DLGAP3: variants seen among roughly 807,000 people sequenced by gnomAD.
The protein encoded by DLGAP3 is disks large-associated protein 3.
A neutral mutation model predicts 81.2 loss-of-function variants in DLGAP3; 17 were observed. The observed-to-expected ratio is 0.21, with a 90% confidence interval of 0.14 to 0.31. DLGAP3 has a LOEUF of 0.31. Ranked by LOEUF, DLGAP3 falls within the 10% of genes least tolerant of loss-of-function variation. DLGAP3 has a pLI of 1.00. For synonymous variants in DLGAP3, 577 were observed against 587.4 expected (o/e 0.98, Z 0.26); for missense variants, 1,124 against 1,388.0 (o/e 0.81, Z 3.02).
chr1:34,902,455 C>T lies in DLGAP3; in HGVS notation c.1107+1822G>A, dbSNP rs1164910362. On this transcript the variant is annotated intron_variant, in intron 3 of 11. Transcript: ENST00000373347. The surrounding 1 kb of genome is among the most constrained non-coding windows in gnomAD (Gnocchi z 4.4). ...GAAAAGGCTTAAGAGAAAGCTGGTA[C>T]CCAGTGGGAGAAACAGGGCTTTGAC... Among the ~76,000 whole-genome samples the T allele has an allele frequency of 6.6e-6, 1 of 152,102 alleles. No individual in the cohort carries two copies. Among genetic ancestry groups the T allele is most frequent in the East Asian group, 1.9e-4 (1 of 5,162 alleles).
At position 34,905,801 on chromosome 1, in the gene DLGAP3, C is replaced by G. The variant is rs116044062; in HGVS notation, c.-51-367G>C. Among the ~76,000 whole-genome samples the G allele has an allele frequency of 8.7e-3, 1,318 of 151,748 alleles. 16 individuals carry two copies. The highest frequency in any genetic ancestry group is 0.03 in the African/African-American group (1,233 of 41,378). On this transcript the variant is annotated intron_variant, in intron 2 of 11. Coordinates refer to ENST00000373347, the MANE Select transcript of DLGAP3 (RefSeq NM_001080418.3). ...GGAGGATCACTTGAGCCCAGCAGTTCGAGATCAACCTGGGCAACCAAGCAA... is the reference window on the plus strand; with the variant it reads ...GGAGGATCACTTGAGCCCAGCAGTTGGAGATCAACCTGGGCAACCAAGCAA...
chr1:34,900,517 C>T lies in DLGAP3; in HGVS notation c.1108-244G>A, dbSNP rs1639441768. 2.0e-5 allele frequency among the ~76,000 whole-genome samples: 3 copies of T among 152,240 alleles called. No homozygotes were observed. The South Asian group carries it at 6.2e-4, about 31-fold the overall frequency. On this transcript the variant is annotated intron_variant, in intron 3 of 11. Coordinates refer to ENST00000373347, the MANE Select transcript of DLGAP3 (RefSeq NM_001080418.3). This position sits in a 1 kb window ranked among gnomAD's most constrained non-coding sequence, Gnocchi z 5.6. ...CCACCTAGAGAGTCTGAGGGAGTGA[C>T]ATGGCAGGCGTCAAGCGGTTGATGA... is the stretch of plus-strand genomic sequence containing the variant.
At chr1:34,928,243 G>T (rs1182173898) in intron 1 of DLGAP3, among the ~76,000 whole-genome samples, 10 of 152,160 alleles carry the variant, frequency 6.6e-5, no homozygotes, top group Non-Finnish European at 1.5e-4. Context: ...GGACTTGGAA[G>T]TCTGGGAGAG....
intron 1 of DLGAP3, among the ~76,000 whole-genome samples, chr1:34,908,783 C>A (rs765013722): frequency 9.2e-5 from 14 of 152,156 alleles, no homozygotes; most frequent in Non-Finnish European, 1.8e-4. Flanking sequence ...CACCCTGGAG[C>A]CTGGACTGTA....
Position 34,900,054 on chromosome 1 carries a change from C to T in DLGAP3, c.1313+14G>A. On this transcript the variant is annotated intron_variant, in intron 4 of 11. Coordinates refer to ENST00000373347, the MANE Select transcript of DLGAP3 (RefSeq NM_001080418.3). The surrounding 1 kb of genome is among the most constrained non-coding windows in gnomAD (Gnocchi z 5.6). Reference sequence around the variant, plus strand: ...CCTCCTGACCCCGCACCCCCCGGCCCTCCCTGTCCTTACTTGATCCTGGCC... The same window carrying T: ...CCTCCTGACCCCGCACCCCCCGGCCTTCCCTGTCCTTACTTGATCCTGGCC... The T allele has an allele frequency of 6.2e-7, 1 of 1,610,922 alleles. No individual in the cohort carries two copies. The highest frequency in any genetic ancestry group is 8.5e-7 in the Non-Finnish European group (1 of 1,179,170).
chr1:34,867,505 T>C lies in DLGAP3; in HGVS notation c.2577+31A>G. The C allele has an allele frequency of 6.4e-7, 1 of 1,573,798 alleles. No homozygotes were observed. Among genetic ancestry groups the C allele is most frequent in the Non-Finnish European group, 8.7e-7 (1 of 1,143,068 alleles). On this transcript the variant is annotated intron_variant, in intron 10 of 11. Transcript: ENST00000373347. This position sits in a 1 kb window ranked among gnomAD's most constrained non-coding sequence, Gnocchi z 4.3. ...ACACACACACTCTGGGTCACATGTA[T>C]CTGGTAGGATCTACTACTATGGGCA...
chr1:34,912,088 T>C (rs551285456), intron 1 of DLGAP3, among the ~76,000 whole-genome samples: 1 of 152,324 alleles, frequency 6.6e-6, no homozygotes, highest in Admixed American at 6.5e-5. Context: ...AAAATGGGGA[T>C]AATATTAGGG....
At chr1:34,887,202 G>A (rs1345372064) in intron 5 of DLGAP3, among the ~76,000 whole-genome samples, 4 of 151,786 alleles carry the variant, frequency 2.6e-5, no homozygotes, top group Admixed American at 6.6e-5. Flanking sequence ...TAATCTGCCC[G>A]TCTCGGCCTC....
chr1:34,899,859 TC>T (rs1454822308), intron 4 of DLGAP3, 118 bp from the exon 5 acceptor site: 12 of 1,049,994 alleles, frequency 1.1e-5, no homozygotes, highest in Non-Finnish European at 1.8e-5. Flanking sequence ...CAAAGAGAGA[TC>T]CCTTAGGAGA....
intron 5 of DLGAP3, among the ~76,000 whole-genome samples, chr1:34,894,953 G>T (rs1232437737): frequency 6.6e-6 from 1 of 152,222 alleles, no homozygotes; most frequent in Non-Finnish European, 1.5e-5. Context: ...TTAAGTATTT[G>T]AGGTGATGGG....
At chr1:34,892,910 C>T (rs971213144) in intron 5 of DLGAP3, among the ~76,000 whole-genome samples, 2 of 152,256 alleles carry the variant, frequency 1.3e-5, no homozygotes, top group Non-Finnish European at 1.5e-5. Context: ...CGGTGGCTCA[C>T]GCCTGTAATC....
intron 8 of DLGAP3, among the ~76,000 whole-genome samples, chr1:34,878,271 A>C (rs1487656295): frequency 1.3e-5 from 2 of 152,154 alleles, no homozygotes; most frequent in African/African-American, 4.8e-5. Flanking sequence ...ACGCCAATGC[A>C]CTCCAGCCTG....
At chr1:34,875,798 C>G (rs866543071) in intron 8 of DLGAP3, among the ~76,000 whole-genome samples, 4 of 152,358 alleles carry the variant, frequency 2.6e-5, no homozygotes, top group Middle Eastern at 3.4e-3. Context: ...CACCACAAGG[C>G]CTTAGCATAT....
chr1:34,927,573 C>T lies in DLGAP3; in HGVS notation c.-135+1878G>A, dbSNP rs59874150. On this transcript the variant is annotated intron_variant, in intron 1 of 11. Transcript: ENST00000373347. ...GAGATGCGGGGGCTGTATGTGAGGCCGTTCATCCTATGTTCATGTTCCTTT... is the reference window on the plus strand; with the variant it reads ...GAGATGCGGGGGCTGTATGTGAGGCTGTTCATCCTATGTTCATGTTCCTTT... 6.6e-3 allele frequency among the ~76,000 whole-genome samples: 997 copies of T among 152,208 alleles called. 10 individuals carry two copies. Among genetic ancestry groups the T allele is most frequent in the African/African-American group, 0.023 (939 of 41,520 alleles).
At chr1:34,921,821 G>A (rs553381456) in intron 1 of DLGAP3, among the ~76,000 whole-genome samples, 2 of 152,200 alleles carry the variant, frequency 1.3e-5, no homozygotes, top group South Asian at 2.1e-4. Flanking sequence ...ACAAGTATAC[G>A]TGTTAGCATG....
chr1:34,868,492 C>A lies in DLGAP3; in HGVS notation c.2485+113G>T. 1.1e-6 allele frequency: 1 copy of A among 877,610 alleles called. No individual in the cohort carries two copies. The highest frequency in any genetic ancestry group is 1.9e-6 in the Non-Finnish European group (1 of 533,782). 54.4% of individuals were successfully genotyped at this position (877,610 alleles called of 1,614,324 possible). On this transcript the variant is annotated intron_variant, in intron 9 of 11. Coordinates refer to ENST00000373347, the MANE Select transcript of DLGAP3 (RefSeq NM_001080418.3). This position sits in a 1 kb window ranked among gnomAD's most constrained non-coding sequence, Gnocchi z 7.5. Reference sequence around the variant, plus strand: ...CCAGTGCAGAAGACCAGTGAGGCACCAACCGAAGGGGCCTCCTGTTACACT... The same window carrying A: ...CCAGTGCAGAAGACCAGTGAGGCACAAACCGAAGGGGCCTCCTGTTACACT...
intron 8 of DLGAP3, among the ~76,000 whole-genome samples, chr1:34,870,088 T>G (rs1035388545): frequency 3.3e-5 from 5 of 152,152 alleles, no homozygotes; most frequent in African/African-American, 1.2e-4. Context: ...TCAGTGCCAG[T>G]GGAGCTGAAT....
At chr1:34,920,034 T>C (rs1056884124) in intron 1 of DLGAP3, among the ~76,000 whole-genome samples, 20 of 152,274 alleles carry the variant, frequency 1.3e-4, no homozygotes, top group Middle Eastern at 3.4e-3. Context: ...CATTAGAAGC[T>C]GCCTAAGTAT....
rs1394897374 is a variant in DLGAP3 at position 34,873,373 on chromosome 1, G to A, written c.2001-4284C>T. On this transcript the variant is annotated intron_variant, in intron 8 of 11. Transcript: ENST00000373347. The surrounding 1 kb of genome is among the most constrained non-coding windows in gnomAD (Gnocchi z 4.2). ...TGAAAATGAGCAGCTTTGGGTGGGG[G>A]CAGCGGAACAGAGCGGTTAGGCCCG... Among the ~76,000 whole-genome samples the A allele has an allele frequency of 1.3e-5, 2 of 152,192 alleles. No individual in the cohort carries two copies. Among genetic ancestry groups the A allele is most frequent in the Non-Finnish European group, 2.9e-5 (2 of 68,022 alleles).
Sources: gnomAD v4.1 joint callset for allele counts (sites outside exome capture counted in the v4.1 genomes callset) on GRCh38, gnomAD v4.1.1 for gene constraint, Gnocchi (gnomAD v3.1) non-coding constraint, MANE v1.5 for transcripts, NCBI Gene and HGNC (gene_info 2026-07-23, HGNC 2026-07-21) for gene names.